MSR1: variants seen among roughly 807,000 people sequenced by gnomAD.
MSR1 encodes the protein macrophage scavenger receptor types I and II.
A neutral mutation model predicts 47.2 loss-of-function variants in MSR1; 53 were observed. That is an observed-to-expected ratio of 1.12 (90% CI 0.90 to 1.41). The LOEUF is 1.41. Among genes scored for constraint, MSR1 ranks in the 40% most tolerant of loss-of-function variants. MSR1 has a pLI of 0.00. For missense variants in MSR1, 786 were observed against 546.9 expected (o/e 1.44, Z -4.36); for synonymous variants, 239 against 185.6 (o/e 1.29, Z -2.34).
At chr8:16,165,645 G>A (rs1423654201) in intron 4 of MSR1, among the ~76,000 whole-genome samples, 1 of 152,062 alleles carries the variant, frequency 6.6e-6, no homozygotes, top group Admixed American at 6.5e-5. Context: ...TAAGCCAGTG[G>A]TATGTTTTTC....
intron 8 of MSR1, among the ~76,000 whole-genome samples, chr8:16,125,821 C>A (rs934551746): frequency 1.3e-5 from 2 of 152,050 alleles, no homozygotes; most frequent in African/African-American, 2.4e-5. Context: ...GATTGAAGTG[C>A]TGTGGTGCAG....
rs958783433 is a variant in MSR1 at position 16,176,174 on chromosome 8, G to T, written c.104-874C>A. 5.9e-5 allele frequency among the ~76,000 whole-genome samples: 9 copies of T among 152,212 alleles called. No homozygotes were observed. The South Asian group carries it at 1.7e-3, about 28-fold the overall frequency. ...TAAAAACAAACTTTTTTATTTTAAG[G>T]TATTGAAAAGAAAATAAGAGACAGT... On this transcript the variant is annotated intron_variant, in intron 2 of 9. Transcript: ENST00000262101.
intron 2 of MSR1, among the ~76,000 whole-genome samples, chr8:16,177,073 T>A (rs34296027): frequency 0.01 from 1,598 of 152,322 alleles, 29 homozygotes; most frequent in African/African-American, 0.036. Flanking sequence ...ATGATCCTGT[T>A]GAGATACAGC....
At chr8:16,182,599 G>A (rs184933593) in intron 1 of MSR1, among the ~76,000 whole-genome samples, 3 of 136,304 alleles carry the variant, frequency 2.2e-5, no homozygotes, top group African/African-American at 5.4e-5. Flanking sequence ...TAACTTTTTT[G>A]TTGATAACTA....
At chr8:16,157,673 A>G (rs1585170648) in intron 5 of MSR1, among the ~76,000 whole-genome samples, 3 of 151,898 alleles carry the variant, frequency 2.0e-5, no homozygotes, top group African/African-American at 7.2e-5. Context: ...ATTATATACC[A>G]CTTTACTCTT....
At chr8:16,135,971 G>T (rs576941071) in intron 8 of MSR1, among the ~76,000 whole-genome samples, 2 of 152,110 alleles carry the variant, frequency 1.3e-5, no homozygotes, top group South Asian at 4.2e-4. Flanking sequence ...TGGATTAGGG[G>T]TTGCTTCTTA....
chr8:16,150,138 GTGTATATATA>G (rs1360478681), intron 7 of MSR1, 83 bp downstream of exon 7: 20 of 177,460 alleles, frequency 1.1e-4, no homozygotes, highest in East Asian at 6.7e-4. Context: ...ATGTGTGTGT[GTGTATATATA>G]TATATATATA....
At chr8:16,176,868 G>A (rs563188700) in intron 2 of MSR1, among the ~76,000 whole-genome samples, 1 of 152,224 alleles carries the variant, frequency 6.6e-6, no homozygotes, top group African/African-American at 2.4e-5. Context: ...AAGATCCACT[G>A]TGCCCTGGAG....
chr8:16,116,549 C>A (rs894657542), intron 9 of MSR1, among the ~76,000 whole-genome samples: 1 of 152,110 alleles, frequency 6.6e-6, no homozygotes, highest in Non-Finnish European at 1.5e-5. Context: ...AAGTAAGTAA[C>A]TTCACATGAG....
intron 4 of MSR1, among the ~76,000 whole-genome samples, chr8:16,167,941 G>A (rs1198269828): frequency 6.6e-6 from 1 of 152,036 alleles, no homozygotes; most frequent in Non-Finnish European, 1.5e-5. Flanking sequence ...GAATAGAAAC[G>A]GAATATCAAC....
chr8:16,147,860 G>GT (rs1364788223), intron 7 of MSR1, among the ~76,000 whole-genome samples: 1 of 152,078 alleles, frequency 6.6e-6, no homozygotes, highest in South Asian at 2.1e-4. Flanking sequence ...TTTCTGCACT[G>GT]TTTTTTTCCA....
intron 3 of MSR1, among the ~76,000 whole-genome samples, chr8:16,171,506 T>C (rs1007951159): frequency 6.6e-6 from 1 of 152,172 alleles, no homozygotes; most frequent in Non-Finnish European, 1.5e-5. Flanking sequence ...ATTTCTTAAC[T>C]GTATCTCATC....
intron 8 of MSR1, among the ~76,000 whole-genome samples, chr8:16,143,137 G>C (rs34159950): frequency 3.9e-5 from 6 of 152,150 alleles, no homozygotes; most frequent in African/African-American, 1.2e-4. Context: ...AATAAACGAA[G>C]AGCCCCAGAC....
chr8:16,184,092 C>T (rs1286365510), intron 1 of MSR1, among the ~76,000 whole-genome samples: 1 of 151,324 alleles, frequency 6.6e-6, no homozygotes, highest in Admixed American at 6.6e-5. Context: ...CAATATGGAA[C>T]TGAGAGCAGT....
intron 5 of MSR1, among the ~76,000 whole-genome samples, chr8:16,160,259 C>G (rs746822867): frequency 2.0e-5 from 3 of 151,848 alleles, no homozygotes; most frequent in Admixed American, 1.3e-4. Flanking sequence ...AAAGAAATGA[C>G]AAAGGAACAG....
At chr8:16,147,516 C>T (rs137898110) in intron 7 of MSR1, among the ~76,000 whole-genome samples, 8 of 152,252 alleles carry the variant, frequency 5.3e-5, no homozygotes, top group African/African-American at 1.9e-4. Context: ...AATTACAACT[C>T]AAGCAATGTA....
intron 7 of MSR1, among the ~76,000 whole-genome samples, chr8:16,144,148 A>G (rs1396939919): frequency 1.3e-5 from 2 of 151,900 alleles, no homozygotes; most frequent in African/African-American, 4.8e-5. Context: ...GTTTTGAGAA[A>G]CCTCACCCAT....
intron 6 of MSR1, among the ~76,000 whole-genome samples, chr8:16,151,340 T>C (rs924017054): frequency 2.0e-5 from 3 of 152,092 alleles, no homozygotes; most frequent in African/African-American, 7.2e-5. Flanking sequence ...TTTCAATGAA[T>C]GAACAAATAA....
At chr8:16,188,758 A>T (rs1338421587) in intron 1 of MSR1, among the ~76,000 whole-genome samples, 1 of 151,766 alleles carries the variant, frequency 6.6e-6, no homozygotes, top group Non-Finnish European at 1.5e-5. Context: ...GAGAACATGC[A>T]GTGTTTCTTT....
Sources: gnomAD v4.1 joint callset for allele counts (sites outside exome capture counted in the v4.1 genomes callset) on GRCh38, gnomAD v4.1.1 for gene constraint, MANE v1.5 for transcripts, NCBI Gene and HGNC (gene_info 2026-07-23, HGNC 2026-07-21) for gene names.